The following PRKN variants were observed in gnomAD, a reference collection of about 807,000 sequenced individuals.
PRKN encodes parkin RBR E3 ubiquitin protein ligase, also known as E3 ubiquitin-protein ligase parkin.
A neutral mutation model predicts 59.5 loss-of-function variants in PRKN; 56 were observed. The observed-to-expected ratio is 0.94, with a 90% confidence interval of 0.76 to 1.18. PRKN has a LOEUF of 1.18. PRKN is among the 50% of genes most tolerant of loss of function. The probability of loss-of-function intolerance (pLI) is 0.00; values close to 1 mark genes in which losing one functional copy is unlikely to be tolerated. For synonymous variants in PRKN, 250 were observed against 222.1 expected (o/e 1.13, Z -1.12); for missense variants, 657 against 596.4 (o/e 1.10, Z -1.06).
chr6:161,570,143 A>T (rs1279102612), intron 7 of PRKN, among the ~76,000 whole-genome samples: 2 of 134,456 alleles, frequency 1.5e-5, no homozygotes, highest in East Asian at 2.0e-4. Context: ...AAAAAAAAAA[A>T]AAAATATATA....
intron 4 of PRKN, among the ~76,000 whole-genome samples, chr6:162,127,339 A>G (rs1781165597): frequency 6.6e-6 from 1 of 152,244 alleles, no homozygotes; most frequent in African/African-American, 2.4e-5. Flanking sequence ...CTTTCCAAAT[A>G]TAATGCTTTT....
At position 162,160,136 on chromosome 6, in the gene PRKN, T is replaced by C. The variant is rs34694903; in HGVS notation, c.534+40995A>G. On this transcript the variant is annotated intron_variant, in intron 4 of 11. Coordinates refer to ENST00000366898, the MANE Select transcript of PRKN (RefSeq NM_004562.3). ...GCATGCACAGACTAAGAGAACATAT[T>C]TGAAAATTATAAATCTGATGAAGAA... Among the ~76,000 whole-genome samples the C allele has an allele frequency of 1.5e-3, 229 of 152,300 alleles. 2 individuals are homozygous for C. The highest frequency in any genetic ancestry group is 2.7e-3 in the Non-Finnish European group (182 of 68,028).
At chr6:161,846,954 A>G (rs1793220720) in intron 6 of PRKN, among the ~76,000 whole-genome samples, 1 of 152,198 alleles carries the variant, frequency 6.6e-6, no homozygotes, top group South Asian at 2.1e-4. Context: ...AGACTTTTAA[A>G]CAAGAGCTTT....
chr6:161,957,159 A>G (rs1185117492), intron 6 of PRKN, among the ~76,000 whole-genome samples: 1 of 152,202 alleles, frequency 6.6e-6, no homozygotes, highest in African/African-American at 2.4e-5. Context: ...GGGAGCAGCA[A>G]TTCCAGGGGA....
At chr6:162,431,146 C>T (rs950420484) in intron 2 of PRKN, among the ~76,000 whole-genome samples, 12 of 151,428 alleles carry the variant, frequency 7.9e-5, no homozygotes, top group African/African-American at 2.7e-4. Context: ...GTCAGTTTAC[C>T]TGCTTATCAC....
intron 6 of PRKN, among the ~76,000 whole-genome samples, chr6:161,918,761 A>G (rs12111147): frequency 6.6e-6 from 1 of 152,222 alleles, no homozygotes; most frequent in African/African-American, 2.4e-5. Context: ...AGCTTTGAAT[A>G]GACATTTCAC....
intron 4 of PRKN, among the ~76,000 whole-genome samples, chr6:162,132,750 C>CATA (rs1342974559): frequency 6.6e-6 from 1 of 152,050 alleles, no homozygotes; most frequent in Non-Finnish European, 1.5e-5. Flanking sequence ...GCATCTCTAT[C>CATA]TCTGAAATCT....
At chr6:162,106,522 A>G (rs910279306) in intron 4 of PRKN, among the ~76,000 whole-genome samples, 3 of 152,160 alleles carry the variant, frequency 2.0e-5, no homozygotes, top group Non-Finnish European at 2.9e-5. Context: ...AACTTCATTA[A>G]TATCTATTTT....
At chr6:162,584,070 G>A (rs985908318) in intron 1 of PRKN, among the ~76,000 whole-genome samples, 1 of 151,988 alleles carries the variant, frequency 6.6e-6, no homozygotes, top group Non-Finnish European at 1.5e-5. Flanking sequence ...AAAATTAGCC[G>A]GGCGTGGTGG....
chr6:162,281,438 G>C (rs986200713), intron 2 of PRKN, among the ~76,000 whole-genome samples: 6 of 151,594 alleles, frequency 4.0e-5, no homozygotes, highest in African/African-American at 7.3e-5. Context: ...AAGAAAATAA[G>C]AAATGCGGTA....
intron 2 of PRKN, among the ~76,000 whole-genome samples, chr6:162,361,945 C>T (rs537156107): frequency 6.6e-6 from 1 of 152,202 alleles, no homozygotes; most frequent in African/African-American, 2.4e-5. Context: ...ATTACAATTC[C>T]ACCCCGAAAA....
chr6:162,197,469 G>A (rs981942757), intron 4 of PRKN, among the ~76,000 whole-genome samples: 3 of 151,918 alleles, frequency 2.0e-5, no homozygotes, highest in African/African-American at 7.3e-5. Context: ...TTTTTTTCAA[G>A]AGTATGTTTC....
At chr6:162,239,835 C>T (rs751205530) in intron 3 of PRKN, among the ~76,000 whole-genome samples, 2 of 151,262 alleles carry the variant, frequency 1.3e-5, no homozygotes, top group Non-Finnish European at 1.5e-5. Flanking sequence ...TATTTTGGTC[C>T]AATCACTACT....
Position 161,738,410 on chromosome 6 carries a change from T to C in PRKN, c.871+47362A>G, listed in dbSNP as rs79733510. On this transcript the variant is annotated intron_variant, in intron 7 of 11. Transcript: ENST00000366898. ...AATTCACATTTCATGTCCTCTATCT[T>C]AGTGGTGAGAGGCTTAGCTTTTATA... 5.6e-3 allele frequency among the ~76,000 whole-genome samples: 847 copies of C among 152,310 alleles called. 13 individuals are homozygous for C. The Middle Eastern group carries it at 0.065, about 12-fold the overall frequency.
chr6:161,867,754 T>C (rs1794178013), intron 6 of PRKN, among the ~76,000 whole-genome samples: 1 of 148,972 alleles, frequency 6.7e-6, no homozygotes, highest in Admixed American at 6.7e-5. Context: ...TATTTATTTA[T>C]TTATTTATTT....
At position 161,706,532 on chromosome 6, in the gene PRKN, C is replaced by T. The variant is rs188038098; in HGVS notation, c.871+79240G>A. 2.7e-4 allele frequency among the ~76,000 whole-genome samples: 41 copies of T among 152,242 alleles called. 1 individual carries two copies. In the East Asian group the frequency reaches 6.2e-3, roughly 23 times the overall value. ...ATGCAACTGGCACGCAGGAAGGAAT[C>T]GATAAACGAAAGACAAGGAGAGAAA... On this transcript the variant is annotated intron_variant, in intron 7 of 11. Transcript: ENST00000366898.
In PRKN at chr6:161,545,422, T is replaced by C. The variant is rs777220489; in HGVS notation, c.1083+3432A>G. 2 of 1,611,580 alleles carry C rather than the reference T, an allele frequency of 1.2e-6. No individual in the cohort carries two copies. The highest frequency in any genetic ancestry group is 1.7e-5 in the Admixed American group (1 of 59,986). ...CTTCTCCCTGAGGCAGCTTATTTTG[T>C]TCTTCGTTGTCCATACTGTGAGAGC... On this transcript the variant is annotated intron_variant, in intron 9 of 11. Transcript: ENST00000366898. This position sits in a 1 kb window ranked among gnomAD's most constrained non-coding sequence, Gnocchi z 4.1.
At chr6:162,255,418 T>C (rs1008217584) in intron 3 of PRKN, among the ~76,000 whole-genome samples, 5 of 152,136 alleles carry the variant, frequency 3.3e-5, no homozygotes, top group Non-Finnish European at 7.3e-5. Context: ...TTTCCTTATC[T>C]CTGTATGAGA....
At chr6:161,836,860 G>A (rs149505674) in intron 6 of PRKN, among the ~76,000 whole-genome samples, 12 of 152,258 alleles carry the variant, frequency 7.9e-5, no homozygotes, top group South Asian at 2.1e-4. Flanking sequence ...GTAAAATGAC[G>A]GGAGCTGTGT....
Sources: gnomAD v4.1 joint callset for allele counts (sites outside exome capture counted in the v4.1 genomes callset) on GRCh38, gnomAD v4.1.1 for gene constraint, Gnocchi (gnomAD v3.1) non-coding constraint, MANE v1.5 for transcripts, NCBI Gene and HGNC (gene_info 2026-07-23, HGNC 2026-07-21) for gene names.